The following TECPR2 variants were observed in gnomAD, a reference collection of about 807,000 sequenced individuals.
TECPR2 encodes tectonin beta-propeller repeat containing 2.
Under a neutral mutation model 138.1 loss-of-function variants are expected in TECPR2, and 65 were observed. The ratio of observed to expected loss-of-function variants is 0.47; its 90% CI spans 0.39 to 0.58. TECPR2 has a LOEUF of 0.58. TECPR2 is among the 20% of genes least tolerant of loss of function. The pLI is 0.00. For synonymous variants in TECPR2, 746 were observed against 749.8 expected (o/e 0.99, Z 0.08); for missense variants, 1,553 against 1,824.5 (o/e 0.85, Z 2.71).
chr14:102,390,196 G>A (rs1209178087), intron 2 of TECPR2, among the ~76,000 whole-genome samples: 1 of 152,206 alleles, frequency 6.6e-6, no homozygotes, highest in Non-Finnish European at 1.5e-5. Flanking sequence ...TCTTGTGTAT[G>A]AAAGGAAAAC....
chr14:102,480,504 G>A (rs981565869), intron 17 of TECPR2, among the ~76,000 whole-genome samples: 1 of 152,016 alleles, frequency 6.6e-6, no homozygotes, highest in Non-Finnish European at 1.5e-5. Flanking sequence ...GATTACAGGC[G>A]TGAGCCACCA....
At chr14:102,413,649 G>T (rs1888943786) in intron 4 of TECPR2, among the ~76,000 whole-genome samples, 1 of 151,936 alleles carries the variant, frequency 6.6e-6, no homozygotes, top group Admixed American at 6.6e-5. Context: ...AAAATATAGG[G>T]ATTACAAGTG....
At chr14:102,423,803 A>G (rs1889245580) in intron 5 of TECPR2, among the ~76,000 whole-genome samples, 1 of 152,228 alleles carries the variant, frequency 6.6e-6, no homozygotes, top group African/African-American at 2.4e-5. Flanking sequence ...GGGGGCAGGA[A>G]GGGACATTGG....
At chr14:102,463,344 G>C (rs902592676) in intron 16 of TECPR2, among the ~76,000 whole-genome samples, 1 of 149,992 alleles carries the variant, frequency 6.7e-6, no homozygotes, top group Non-Finnish European at 1.5e-5. Flanking sequence ...GTGAACCCGG[G>C]AGGCGGAGCT....
chr14:102,499,156 G>T lies in TECPR2; in HGVS notation c.*899G>T, dbSNP rs1042232946. Reference sequence around the variant, plus strand: ...GCAAATGGAACCTGGATGTGTGCACGTGTGTCCCAGGTAGGGACGGCACAG... The same window carrying T: ...GCAAATGGAACCTGGATGTGTGCACTTGTGTCCCAGGTAGGGACGGCACAG... On this transcript the variant is annotated 3_prime_UTR_variant, in exon 20 of 20. Coordinates refer to ENST00000359520, the MANE Select transcript of TECPR2 (RefSeq NM_014844.5). The T allele has an allele frequency of 2.8e-6, 2 of 703,074 alleles. No homozygotes were observed. The highest frequency in any genetic ancestry group is 4.0e-5 in the Admixed American group (2 of 50,020). 43.6% of individuals were successfully genotyped at this position (703,074 alleles called of 1,614,324 possible). A position where few individuals can be genotyped will look rare whatever the true frequency, so the allele number is the denominator to read the frequency against.
intron 4 of TECPR2, among the ~76,000 whole-genome samples, chr14:102,411,343 C>T (rs913933294): frequency 1.2e-4 from 18 of 152,218 alleles, no homozygotes; most frequent in African/African-American, 1.7e-4. Context: ...CTTCCACGTA[C>T]GTATACGCCC....
intron 2 of TECPR2, among the ~76,000 whole-genome samples, chr14:102,379,372 G>A (rs1030773722): frequency 8.0e-5 from 11 of 138,126 alleles, no homozygotes; most frequent in East Asian, 2.3e-4. Flanking sequence ...GCACAGAGGC[G>A]TCCTAGTCAC....
intron 2 of TECPR2, among the ~76,000 whole-genome samples, chr14:102,402,677 C>T (rs1888525033): frequency 6.6e-6 from 1 of 151,960 alleles, no homozygotes; most frequent in South Asian, 2.1e-4. Flanking sequence ...TGAGAGAAGA[C>T]ACAAATGATT....
Position 102,365,736 on chromosome 14 carries a change from A to G in TECPR2, c.-73+2620A>G, listed in dbSNP as rs900223232. ...GAGAGAAGAAGCGTGTAGAGGGGTG[A>G]TTGCTAAAGGGTAGGGAGTGCACAG... On this transcript the variant is annotated intron_variant, in intron 1 of 19. Coordinates refer to ENST00000359520, the MANE Select transcript of TECPR2 (RefSeq NM_014844.5). 2.6e-5 allele frequency among the ~76,000 whole-genome samples: 4 copies of G among 152,218 alleles called. No individual in the cohort carries two copies. The Middle Eastern group carries it at 0.01, about 388-fold the overall frequency.
chr14:102,391,714 T>C (rs1178909921), intron 2 of TECPR2, among the ~76,000 whole-genome samples: 1 of 152,196 alleles, frequency 6.6e-6, no homozygotes, highest in African/African-American at 2.4e-5. Context: ...TCTCTGCACC[T>C]GGCAGAGTTG....
chr14:102,429,559 G>C (rs1274199188), intron 7 of TECPR2, among the ~76,000 whole-genome samples: 1 of 151,922 alleles, frequency 6.6e-6, no homozygotes, highest in East Asian at 1.9e-4. Flanking sequence ...TATATATTTG[G>C]GTTCCTCGGG....
chr14:102,366,282 G>A (rs1887344186), intron 1 of TECPR2, among the ~76,000 whole-genome samples: 1 of 152,094 alleles, frequency 6.6e-6, no homozygotes, highest in African/African-American at 2.4e-5. Context: ...ATGCCATAGG[G>A]TGGTGTTTTG....
chr14:102,377,131 T>G (rs1370446849), intron 2 of TECPR2, among the ~76,000 whole-genome samples, 191 bp downstream of exon 2: 1 of 152,222 alleles, frequency 6.6e-6, no homozygotes, highest in Non-Finnish European at 1.5e-5. Flanking sequence ...TTTTTAACTT[T>G]TTCCTGCCTC....
At chr14:102,370,498 G>A (rs1294523391) in intron 1 of TECPR2, among the ~76,000 whole-genome samples, 1 of 152,206 alleles carries the variant, frequency 6.6e-6, no homozygotes, top group Non-Finnish European at 1.5e-5. Context: ...GCCAGAGATA[G>A]GGAGTAGAAG....
At chr14:102,409,277 T>G (rs1184299918) in intron 4 of TECPR2, among the ~76,000 whole-genome samples, 1 of 152,114 alleles carries the variant, frequency 6.6e-6, no homozygotes, top group Non-Finnish European at 1.5e-5. Flanking sequence ...GTAGCCTTCA[T>G]TCCTAGAGCA....
At chr14:102,477,318 C>G (rs908175820) in intron 17 of TECPR2, among the ~76,000 whole-genome samples, 1 of 150,496 alleles carries the variant, frequency 6.6e-6, no homozygotes, top group Non-Finnish European at 1.5e-5. Flanking sequence ...TGTGGTGAAC[C>G]GTGATGACGC....
intron 1 of TECPR2, among the ~76,000 whole-genome samples, chr14:102,369,233 C>G (rs754319835): frequency 6.6e-6 from 1 of 152,084 alleles, no homozygotes; most frequent in African/African-American, 2.4e-5. Flanking sequence ...CTCTTGACTC[C>G]CTTCTAGCTA....
chr14:102,474,326 A>G (rs977890280), intron 17 of TECPR2, among the ~76,000 whole-genome samples: 1 of 151,994 alleles, frequency 6.6e-6, no homozygotes, highest in African/African-American at 2.4e-5. Flanking sequence ...AAACTACAAC[A>G]AAGGTGACTG....
chr14:102,382,469 G>A (rs1171039907), intron 2 of TECPR2, among the ~76,000 whole-genome samples: 4 of 152,172 alleles, frequency 2.6e-5, no homozygotes, highest in African/African-American at 9.7e-5. Flanking sequence ...GCAATTACAT[G>A]TGGAGACTTC....
Sources: gnomAD v4.1 joint callset for allele counts (sites outside exome capture counted in the v4.1 genomes callset) on GRCh38, gnomAD v4.1.1 for gene constraint, MANE v1.5 for transcripts, NCBI Gene and HGNC (gene_info 2026-07-23, HGNC 2026-07-21) for gene names.